Variants in IL23R observed in about 807,000 individuals in gnomAD.
IL23R encodes interleukin-23 receptor.
A neutral mutation model predicts 56.9 loss-of-function variants in IL23R; 34 were observed. The observed-to-expected ratio is 0.60, with a 90% CI of 0.45 to 0.80. IL23R has a LOEUF of 0.80. IL23R is among the 30% of genes least tolerant of loss of function. The pLI, the probability that IL23R is intolerant of heterozygous loss-of-function variation, is 0.00. For missense variants in IL23R, 635 were observed against 730.0 expected (o/e 0.87, Z 1.50); for synonymous variants, 230 against 249.2 (o/e 0.92, Z 0.73).
intron 3 of IL23R, among the ~76,000 whole-genome samples, chr1:67,182,119 T>G (rs899942966): frequency 5.3e-5 from 8 of 152,168 alleles, no homozygotes; most frequent in Admixed American, 4.6e-4. Context: ...TTCTCAGATC[T>G]CAAGCTGTGT....
intron 3 of IL23R, among the ~76,000 whole-genome samples, chr1:67,174,829 C>T (rs1381549133): frequency 6.6e-6 from 1 of 152,086 alleles, no homozygotes; most frequent in Non-Finnish European, 1.5e-5. Flanking sequence ...TTGTTTTCCC[C>T]TGTGTTGGCT....
At chr1:67,244,029 G>A (rs1652032015) in intron 9 of IL23R, among the ~76,000 whole-genome samples, 1 of 152,144 alleles carries the variant, frequency 6.6e-6, no homozygotes, top group Non-Finnish European at 1.5e-5. Flanking sequence ...GTATCTCATT[G>A]TGGTTTTGAT....
At chr1:67,184,271 C>T (rs976525529) in intron 4 of IL23R, among the ~76,000 whole-genome samples, 13 of 151,080 alleles carry the variant, frequency 8.6e-5, no homozygotes, top group East Asian at 2.0e-4. Context: ...GCCGGCTGGG[C>T]GCGGTGGCTC....
intron 8 of IL23R, among the ~76,000 whole-genome samples, chr1:67,237,998 G>T (rs1319716638): frequency 6.6e-6 from 1 of 152,160 alleles, no homozygotes; most frequent in Non-Finnish European, 1.5e-5. Context: ...AGACAGGGCA[G>T]AAAAACAGCA....
chr1:67,225,966 A>G (rs1260968982), intron 7 of IL23R, among the ~76,000 whole-genome samples: 2 of 152,246 alleles, frequency 1.3e-5, no homozygotes, highest in African/African-American at 4.8e-5. Flanking sequence ...TGGACAGAAA[A>G]TGTGGACAGA....
intron 4 of IL23R, among the ~76,000 whole-genome samples, chr1:67,187,898 T>A (rs1430168201): frequency 6.6e-6 from 1 of 152,050 alleles, no homozygotes; most frequent in Non-Finnish European, 1.5e-5. Flanking sequence ...AAACCCCATC[T>A]CTACTAAGAA....
chr1:67,182,273 G>T (rs1325889263), intron 3 of IL23R, among the ~76,000 whole-genome samples: 2 of 152,232 alleles, frequency 1.3e-5, no homozygotes, highest in African/African-American at 4.8e-5. Flanking sequence ...TTGAGCTGCA[G>T]TGGGCTCCAC....
At chr1:67,198,565 C>G (rs536987128) in intron 4 of IL23R, among the ~76,000 whole-genome samples, 2 of 152,330 alleles carry the variant, frequency 1.3e-5, no homozygotes, top group East Asian at 3.9e-4. Context: ...GATCTTTCCT[C>G]TTTATCTTTT....
chr1:67,149,766 C>T (rs1432326112), intron 1 of IL23R, among the ~76,000 whole-genome samples: 1 of 152,020 alleles, frequency 6.6e-6, no homozygotes, highest in African/African-American at 2.4e-5. Flanking sequence ...GATGAATGAC[C>T]CAGTAAGCTA....
chr1:67,256,972 C>T (rs1252690472), intron 10 of IL23R, among the ~76,000 whole-genome samples: 3 of 152,188 alleles, frequency 2.0e-5, no homozygotes, highest in Non-Finnish European at 4.4e-5. Flanking sequence ...ACTCACCATT[C>T]CAGCTTTACT....
intron 1 of IL23R, among the ~76,000 whole-genome samples, chr1:67,155,339 C>T (rs1047222716): frequency 5.3e-5 from 8 of 152,116 alleles, no homozygotes; most frequent in African/African-American, 1.9e-4. Flanking sequence ...GTTGGCCTGT[C>T]TTGCTAGGTT....
At chr1:67,147,408 A>G (rs1041604838) in intron 1 of IL23R, among the ~76,000 whole-genome samples, 1 of 152,152 alleles carries the variant, frequency 6.6e-6, no homozygotes, top group African/African-American at 2.4e-5. Flanking sequence ...GGATAGAAAT[A>G]CTTTTTCTGG....
intron 3 of IL23R, among the ~76,000 whole-genome samples, chr1:67,180,943 T>C (rs1248337004): frequency 6.6e-6 from 1 of 152,238 alleles, no homozygotes; most frequent in Non-Finnish European, 1.5e-5. Flanking sequence ...TGCTGAATAT[T>C]GACCTCCACT....
rs865995750 is a variant in IL23R at position 67,148,860 on chromosome 1, T to G, written c.-634+9699T>G. Among the ~76,000 whole-genome samples the G allele has an allele frequency of 2.6e-5, 4 of 152,296 alleles. No homozygotes were observed. The South Asian group carries it at 6.2e-4, about 24-fold the overall frequency. ...TGAACCTAAACTTCAGAGGCTCTTGTGTTCCCTGTCTAGCTTAGGGGCCCA... is the reference window on the plus strand; with the variant it reads ...TGAACCTAAACTTCAGAGGCTCTTGGGTTCCCTGTCTAGCTTAGGGGCCCA... On this transcript the variant is annotated intron_variant, in intron 1 of 10. Coordinates refer to the IL23R transcript ENST00000637002.
intron 1 of IL23R, among the ~76,000 whole-genome samples, chr1:67,148,330 G>A (rs1447774244): frequency 6.6e-6 from 1 of 152,244 alleles, no homozygotes; most frequent in Non-Finnish European, 1.5e-5. Context: ...AGTGAAAACA[G>A]AGCTCCCATA....
intron 4 of IL23R, among the ~76,000 whole-genome samples, chr1:67,194,719 A>G (rs981941216): frequency 2.0e-5 from 3 of 152,194 alleles, no homozygotes; most frequent in Non-Finnish European, 4.4e-5. Flanking sequence ...AAGAACATAT[A>G]ATGTGGTTTT....
At chr1:67,220,487 G>A (rs1650171794) in intron 7 of IL23R, among the ~76,000 whole-genome samples, 1 of 152,098 alleles carries the variant, frequency 6.6e-6, no homozygotes. Context: ...TAGGGCAGAT[G>A]ATAACATTTA....
intron 6 of IL23R, among the ~76,000 whole-genome samples, chr1:67,209,618 C>A (rs1649320934): frequency 6.6e-6 from 1 of 152,156 alleles, no homozygotes; most frequent in Admixed American, 6.5e-5. Context: ...CCATATGGAG[C>A]TATAAGTCCA....
chr1:67,142,910 AC>A (rs1399294335), intron 1 of IL23R, among the ~76,000 whole-genome samples: 1 of 152,176 alleles, frequency 6.6e-6, no homozygotes, highest in Non-Finnish European at 1.5e-5. Context: ...CTTTAATTGG[AC>A]CTTGTGTTCA....
Sources: gnomAD v4.1 joint callset for allele counts (sites outside exome capture counted in the v4.1 genomes callset) on GRCh38, gnomAD v4.1.1 for gene constraint, MANE v1.5 for transcripts, NCBI Gene and HGNC (gene_info 2026-07-23, HGNC 2026-07-21) for gene names.